Variants in IGSF21 observed in about 807,000 individuals in gnomAD.
IGSF21 encodes the protein immunoglobulin superfamily member 21.
IGSF21 carries 28 observed loss-of-function variants against 46.8 expected under a neutral mutation model. That is an observed-to-expected ratio of 0.60 (90% CI 0.44 to 0.82). IGSF21 has a LOEUF of 0.82. Ranked by LOEUF, IGSF21 falls within the 40% of genes least tolerant of loss-of-function variation. IGSF21 has a pLI of 0.00. For missense variants in IGSF21, 624 were observed against 665.5 expected (o/e 0.94, Z 0.69); for synonymous variants, 284 against 273.6 (o/e 1.04, Z -0.38).
At chr1:18,113,950 C>T (rs1444381147) in intron 1 of IGSF21, 1 of 152,178 alleles carries the variant, frequency 6.6e-6, no homozygotes, top group Non-Finnish European at 1.5e-5. Context: ...CCTTGCGTTA[C>T]TCGACTTTTT....
intron 2 of IGSF21, among the ~76,000 whole-genome samples, chr1:18,265,057 A>C (rs1380612755): frequency 6.6e-6 from 1 of 152,226 alleles, no homozygotes; most frequent in African/African-American, 2.4e-5. Context: ...AGCTCTGATA[A>C]ATGAAAGATT....
Position 18,109,447 on chromosome 1 carries a change from TCCTATGC to T in IGSF21, c.70+1251_70+1257del, listed in dbSNP as rs2086122299. Reference sequence around the variant, plus strand: ...ATGATAGAGGTGGGCATCACCTCTGTCCTATGCCATAGCCTTGTCCCAGCAGGAGGTG... The same window carrying T: ...ATGATAGAGGTGGGCATCACCTCTGTCATAGCCTTGTCCCAGCAGGAGGTG... On this transcript the variant is annotated intron_variant, in intron 1 of 9. Transcript: ENST00000251296. The surrounding 1 kb of genome is among the most constrained non-coding windows in gnomAD (Gnocchi z 4.8). 6.6e-6 allele frequency: 1 copy of T among 152,118 alleles called. No homozygotes were observed. Among genetic ancestry groups the T allele is most frequent in the African/African-American group, 2.4e-5 (1 of 41,412 alleles). 9.4% of individuals were successfully genotyped at this position (152,118 alleles called of 1,614,324 possible).
intron 1 of IGSF21, among the ~76,000 whole-genome samples, chr1:18,182,908 C>A (rs918012131): frequency 6.6e-6 from 1 of 152,182 alleles, no homozygotes; most frequent in Admixed American, 6.5e-5. Context: ...CCTCATCTCT[C>A]GTTCCCCTGA....
chr1:18,249,010 C>G (rs1031478921), intron 2 of IGSF21, among the ~76,000 whole-genome samples: 1 of 152,060 alleles, frequency 6.6e-6, no homozygotes, highest in African/African-American at 2.4e-5. Flanking sequence ...GCGCAGGCCT[C>G]CTAAAATGAG....
intron 3 of IGSF21, among the ~76,000 whole-genome samples, chr1:18,305,310 TAATG>T (rs1557634920): frequency 2.1e-5 from 3 of 141,354 alleles, no homozygotes; most frequent in East Asian, 2.0e-4. Flanking sequence ...CATGGATAGA[TAATG>T]GATGGATGGA....
chr1:18,332,662 A>T (rs932059361), intron 3 of IGSF21, among the ~76,000 whole-genome samples: 3 of 152,118 alleles, frequency 2.0e-5, no homozygotes, highest in African/African-American at 7.2e-5. Flanking sequence ...TGCGCTCTTT[A>T]TTCTGAGATC....
chr1:18,324,091 C>T (rs12047549), intron 3 of IGSF21, among the ~76,000 whole-genome samples: 9,957 of 152,106 alleles, frequency 0.065, 848 homozygotes, highest in African/African-American at 0.19. Context: ...GCTGAGTGTT[C>T]TCAGGGAAGC....
At chr1:18,196,995 T>G (rs981166338) in intron 1 of IGSF21, among the ~76,000 whole-genome samples, 1 of 152,218 alleles carries the variant, frequency 6.6e-6, no homozygotes, top group Non-Finnish European at 1.5e-5. Flanking sequence ...TATATATTTT[T>G]TCTAATCGGC....
intron 6 of IGSF21, among the ~76,000 whole-genome samples, chr1:18,373,325 C>T (rs1361754118): frequency 1.3e-5 from 2 of 152,100 alleles, no homozygotes; most frequent in African/African-American, 4.8e-5. Flanking sequence ...GCATTCCTTT[C>T]GGGCACTCTC....
rs1366107994 is a variant in IGSF21 at position 18,346,071 on chromosome 1, A to G, written c.424+11061A>G. On this transcript the variant is annotated intron_variant, in intron 4 of 9. Transcript: ENST00000251296. Reference sequence around the variant, plus strand: ...TCACAGTGAGTGCTCTGGAGGAGGAAAGCTGTTCTTACTTCCTACGTATTT... The same window carrying G: ...TCACAGTGAGTGCTCTGGAGGAGGAGAGCTGTTCTTACTTCCTACGTATTT... 4.6e-5 allele frequency among the ~76,000 whole-genome samples: 7 copies of G among 152,282 alleles called. No individual in the cohort carries two copies. The East Asian group carries it at 1.4e-3, about 29-fold the overall frequency.
chr1:18,374,523 G>A (rs768932025), intron 6 of IGSF21, among the ~76,000 whole-genome samples: 1 of 151,808 alleles, frequency 6.6e-6, no homozygotes, highest in Non-Finnish European at 1.5e-5. Context: ...CCAGGCCAGT[G>A]GCCCTTCCAC....
intron 4 of IGSF21, among the ~76,000 whole-genome samples, chr1:18,359,379 A>G (rs200865253): frequency 0.014 from 1,108 of 82,040 alleles, 32 homozygotes; most frequent in Non-Finnish European, 0.017. Context: ...AGAAAGAAAG[A>G]AAGAAAGGAA....
chr1:18,183,391 A>G (rs1557576545), intron 1 of IGSF21, among the ~76,000 whole-genome samples: 1 of 152,210 alleles, frequency 6.6e-6, no homozygotes, highest in African/African-American at 2.4e-5. Flanking sequence ...TTAAACCTCA[A>G]GGTAGCTGGT....
At chr1:18,163,123 G>C (rs1208053035) in intron 1 of IGSF21, among the ~76,000 whole-genome samples, 1 of 152,112 alleles carries the variant, frequency 6.6e-6, no homozygotes, top group African/African-American at 2.4e-5. Context: ...CAGAGGCCGG[G>C]TATCGTATTC....
chr1:18,330,650 G>A (rs1345953928), intron 3 of IGSF21, among the ~76,000 whole-genome samples: 4 of 76,926 alleles, frequency 5.2e-5, no homozygotes, highest in Admixed American at 4.6e-4. Flanking sequence ...GCTGGAGGAA[G>A]GGGCAGGGAC....
chr1:18,241,861 C>T (rs1290722167), intron 2 of IGSF21, among the ~76,000 whole-genome samples: 1 of 152,174 alleles, frequency 6.6e-6, no homozygotes, highest in Non-Finnish European at 1.5e-5. Context: ...AACTAACTGA[C>T]CCCAAGTCTT....
chr1:18,335,207 GC>G lies in IGSF21; in HGVS notation c.424+203del, dbSNP rs1456969770. Among the ~76,000 whole-genome samples, 1 of 152,142 alleles carries G rather than the reference GC, an allele frequency of 6.6e-6. No individual in the cohort carries two copies. Among genetic ancestry groups the G allele is most frequent in the Non-Finnish European group, 1.5e-5 (1 of 68,018 alleles). On this transcript the variant is annotated intron_variant, in intron 4 of 9. Coordinates refer to ENST00000251296, the MANE Select transcript of IGSF21 (RefSeq NM_032880.5). This position sits in a 1 kb window ranked among gnomAD's most constrained non-coding sequence, Gnocchi z 4.8. ...GCCAAGGTGTGACCCGTGAAGTCTT[GC>G]CCCCCATGGGCCTCCCCTCAGGAGG...
chr1:18,140,120 T>C (rs1321491271), intron 1 of IGSF21, among the ~76,000 whole-genome samples: 1 of 152,102 alleles, frequency 6.6e-6, no homozygotes, highest in Non-Finnish European at 1.5e-5. Context: ...GATTTTTAAA[T>C]ATTTTTTGTA....
At chr1:18,281,663 G>A (rs898012655) in intron 2 of IGSF21, among the ~76,000 whole-genome samples, 4 of 152,022 alleles carry the variant, frequency 2.6e-5, no homozygotes, top group African/African-American at 4.8e-5. Flanking sequence ...GAACACAAGA[G>A]GGGAGGGCAT....
Sources: gnomAD v4.1 joint callset for allele counts (sites outside exome capture counted in the v4.1 genomes callset) on GRCh38, gnomAD v4.1.1 for gene constraint, Gnocchi (gnomAD v3.1) non-coding constraint, MANE v1.5 for transcripts, NCBI Gene and HGNC (gene_info 2026-07-23, HGNC 2026-07-21) for gene names.